The following CHRNB4 variants were observed in gnomAD, a reference collection of about 807,000 sequenced individuals.
CHRNB4 encodes neuronal acetylcholine receptor subunit beta-4.
A neutral mutation model predicts 40.4 loss-of-function variants in CHRNB4; 23 were observed. The ratio of observed to expected loss-of-function variants is 0.57; its 90% confidence interval spans 0.41 to 0.81. The LOEUF (loss-of-function observed/expected upper bound fraction) is 0.81, where lower values mean the gene tolerates loss of function less well. Ranked by LOEUF, CHRNB4 falls within the 30% of genes least tolerant of loss-of-function variation. The pLI, the probability that CHRNB4 is intolerant of heterozygous loss-of-function variation, is 0.00. For missense variants in CHRNB4, 568 were observed against 670.6 expected (o/e 0.85, Z 1.69); for synonymous variants, 285 against 274.4 (o/e 1.04, Z -0.38).
At chr15:78,634,715 T>C (rs2053909651) in intron 2 of CHRNB4, 1 of 455,856 alleles carries the variant, frequency 2.2e-6, no homozygotes, top group Non-Finnish European at 4.4e-6. Flanking sequence ...CCCCCAGAGC[T>C]TCTTCCAGGG....
rs1596126625 is a variant in CHRNB4, at chr15:78,656,852, C to T, written c.-708-162G>A. Among the ~76,000 whole-genome samples the T allele has an allele frequency of 3.3e-5, 5 of 152,056 alleles. No homozygotes were observed. In the East Asian group the frequency reaches 9.6e-4, roughly 29 times the overall value. ...CCTGCAGTGGGAAAAGATCGAAGGC[C>T]CTGGGCCCTCTTATTCTACATTCTC... On this transcript the variant is annotated intron_variant and NMD_transcript_variant, in intron 3 of 11. Coordinates refer to the CHRNB4 transcript ENST00000559849.
At chr15:78,643,911 A>G (rs1246480682), upstream of CHRNB4, among the ~76,000 whole-genome samples, 1 of 151,078 alleles carries the variant, frequency 6.6e-6, no homozygotes, top group Non-Finnish European at 1.5e-5. Context: ...GGCCTTTGGG[A>G]GGCTGAGGCG....
chr15:78,654,346 G>A (rs2054195523), intron 5 of CHRNB4, among the ~76,000 whole-genome samples: 1 of 152,190 alleles, frequency 6.6e-6, no homozygotes, highest in Non-Finnish European at 1.5e-5. Flanking sequence ...TATTTTCAAT[G>A]GAGACACCTT....
At chr15:78,638,713 C>T (rs1165267233) in intron 1 of CHRNB4, among the ~76,000 whole-genome samples, 2 of 152,192 alleles carry the variant, frequency 1.3e-5, no homozygotes, top group African/African-American at 2.4e-5. Flanking sequence ...CAAAAAGGGG[C>T]GACGGAGCCC....
In CHRNB4 at chr15:78,634,697, T is replaced by C. The variant is rs1371852838; in HGVS notation, c.204+742A>G. On this transcript the variant is annotated intron_variant, in intron 2 of 5. Transcript: ENST00000261751. ...CACAGCGCCCTGCACTCTCCCCTTG[T>C]GAATGTTCCCCCAGAGCTTCTTCCA... 8.8e-6 allele frequency: 4 copies of C among 456,020 alleles called. No homozygotes were observed. In the Admixed American group the frequency reaches 9.4e-5, roughly 11 times the overall value. The allele number at this position is 456,020 out of a possible 1,614,324, so 28.2% of individuals were successfully genotyped here. A position where few individuals can be genotyped will look rare whatever the true frequency, so the allele number is the denominator to read the frequency against.
chr15:78,656,201 G>T (rs759595374), intron 4 of CHRNB4: 2 of 152,026 alleles, frequency 1.3e-5, no homozygotes, highest in African/African-American at 2.4e-5. Flanking sequence ...TCTGGGCATG[G>T]TGGCACGTAC....
At chr15:78,634,272 G>T (rs2053897721) in intron 2 of CHRNB4, among the ~76,000 whole-genome samples, 1 of 152,224 alleles carries the variant, frequency 6.6e-6, no homozygotes, top group Non-Finnish European at 1.5e-5. Context: ...GAGTCTGGAA[G>T]TGCGGCAGAG....
chr15:78,649,543 G>A (rs1048214540), intron 6 of CHRNB4: 1 of 326,298 alleles, frequency 3.1e-6, no homozygotes, highest in African/African-American at 2.2e-5. Context: ...TGCCTGCAAA[G>A]CCTAAAATAT....
rs759310176 is a variant in CHRNB4, at chr15:78,631,169, C to A, written c.266G>T (p.Arg89Leu). Reference protein sequence around the residue: ...VWLKQEWTDYRLTWNSSRYEG... With the variant: ...VWLKQEWTDYLLTWNSSRYEG... ...GTAGCGGGAGCTGTTCCAGGTCAGG[C>A]GGTAATCAGTCCATTCCTGGACAGA... The change falls in exon 4 of 6, where the codon CGC (arginine) becomes CTC (leucine). Residue 89 changes from arginine (R) to leucine (L), a missense_variant. Coordinates refer to ENST00000261751, the MANE Select transcript of CHRNB4 (RefSeq NM_000750.5). 1 of 1,614,196 alleles carries A rather than the reference C, an allele frequency of 6.2e-7. No individual in the cohort carries two copies.
chr15:78,659,962 T>C (rs1227633884), intron 1 of CHRNB4, among the ~76,000 whole-genome samples: 1 of 151,750 alleles, frequency 6.6e-6, no homozygotes. Flanking sequence ...ATCCCAGCAG[T>C]TTGGGAGGGT....
chr15:78,641,685 GA>G (rs2054077930), upstream of CHRNB4, among the ~76,000 whole-genome samples: 2 of 152,212 alleles, frequency 1.3e-5, no homozygotes, highest in Admixed American at 6.5e-5. Flanking sequence ...GGACACTTAG[GA>G]AAAGTGAGTG....
chr15:78,625,096 C>T lies in CHRNB4; in HGVS notation c.*37G>A. The T allele has an allele frequency of 1.2e-6, 2 of 1,613,592 alleles. No homozygotes were observed. The highest frequency in any genetic ancestry group is 1.1e-5 in the South Asian group (1 of 91,090). On this transcript the variant is annotated 3_prime_UTR_variant, in exon 6 of 6. Transcript: ENST00000261751. ...AAGAAGCAGCAAAGTGCCCACCCGG[C>T]CACTCACATCCTCTCACCCCACAAC...
At chr15:78,635,307 G>T in intron 2 of CHRNB4, 132 bp downstream of exon 2, 1 of 1,105,758 alleles carries the variant, frequency 9.0e-7, no homozygotes, top group Non-Finnish European at 1.3e-6. Flanking sequence ...CCCTTCTGCA[G>T]CCTCCCTGAC....
intron 5 of CHRNB4, among the ~76,000 whole-genome samples, chr15:78,628,574 G>A (rs1596098652): frequency 1.3e-5 from 2 of 152,288 alleles, no homozygotes; most frequent in East Asian, 3.9e-4. Context: ...GTGATCCTGA[G>A]GCTTGTTCCC....
chr15:78,629,372 G>A lies in CHRNB4; in HGVS notation c.933C>T (p.Val311=), dbSNP rs981752632. The A allele has an allele frequency of 1.2e-6, 2 of 1,614,164 alleles. No individual in the cohort carries two copies. Among genetic ancestry groups the A allele is most frequent in the Non-Finnish European group, 1.7e-6 (2 of 1,180,040 alleles). The change falls in exon 5 of 6, where the codon GTC becomes GTT. Residue 311 remains valine, a synonymous_variant. Transcript: ENST00000261751. This position sits in a 1 kb window ranked among gnomAD's most constrained non-coding sequence, Gnocchi z 6.8. Reference sequence around the variant, plus strand: ...GCACATTGAGCACACAGACGCTGGTGACGATGGAGAAGGTGACCAGCACCA... The same window carrying A: ...GCACATTGAGCACACAGACGCTGGTAACGATGGAGAAGGTGACCAGCACCA... ...FTMVLVTFSI[V]TSVCVLNVHH...
chr15:78,650,528 G>GC (rs1042434794), intron 6 of CHRNB4, among the ~76,000 whole-genome samples: 9 of 152,176 alleles, frequency 5.9e-5, no homozygotes, highest in African/African-American at 2.2e-4. Flanking sequence ...CCCCCAACCT[G>GC]AACTGCCTTT....
In CHRNB4 at chr15:78,635,473, T is replaced by C. The variant is rs768674265; in HGVS notation, c.170A>G (p.Lys57Arg). The change falls in exon 2 of 6, where the codon AAG becomes AGG. Residue 57 changes from lysine (K) to arginine (R), a missense_variant. Coordinates refer to ENST00000261751, the MANE Select transcript of CHRNB4 (RefSeq NM_000750.5). The part of the protein sequence containing the change: ...ATSSSQLISI[K>R]LQLSLAQLIS... ...AAGCTGGGCCAGGGAGAGCTGCAGCTTGATGGAGATGAGCTGTGAGGAGCT... is the reference window on the plus strand; with the variant it reads ...AAGCTGGGCCAGGGAGAGCTGCAGCCTGATGGAGATGAGCTGTGAGGAGCT... 1.2e-4 allele frequency: 188 copies of C among 1,614,124 alleles called. 1 individual carries two copies. The South Asian group carries it at 2.0e-3, about 17-fold the overall frequency.
At chr15:78,651,442 A>G (rs2054170907) in intron 6 of CHRNB4, among the ~76,000 whole-genome samples, 1 of 152,154 alleles carries the variant, frequency 6.6e-6, no homozygotes. Context: ...AGTCTACCAT[A>G]GGCATTTTGT....
chr15:78,636,769 ACT>A (rs2053960069), intron 1 of CHRNB4, among the ~76,000 whole-genome samples: 1 of 151,326 alleles, frequency 6.6e-6, no homozygotes, highest in African/African-American at 2.4e-5. Context: ...CTTTGAACAG[ACT>A]CTTTCTTCTG....
Sources: allele counts gnomAD v4.1 joint callset (sites outside exome capture counted in the v4.1 genomes callset), GRCh38; gene constraint gnomAD v4.1.1; non-coding constraint Gnocchi (gnomAD v3.1); transcripts MANE v1.5; gene names NCBI Gene and HGNC (gene_info 2026-07-23, HGNC 2026-07-21).